Variants in PRG4 observed in about 807,000 individuals in gnomAD.
The protein encoded by PRG4 is proteoglycan 4, also known as articular superficial zone protein.
PRG4 carries 61 observed loss-of-function variants against 91.2 expected under a neutral mutation model. The observed-to-expected ratio is 0.67, with a 90% CI of 0.54 to 0.83. The LOEUF is 0.83. Ranked by LOEUF, PRG4 falls within the 40% of genes least tolerant of loss-of-function variation. The pLI, the probability that PRG4 is intolerant of heterozygous loss-of-function variation, is 0.00. For missense variants in PRG4, 1,564 were observed against 1,714.2 expected, an observed-to-expected ratio of 0.91 and a Z score of 1.55; for synonymous variants, 576 against 614.2, an observed-to-expected ratio of 0.94 and a Z score of 0.92.
Position 186,306,546 on chromosome 1 carries a change from T to C in PRG4, c.827T>C (p.Leu276Ser), listed in dbSNP as rs758406311. ...TCTGATACATCTAAAGAGACGTCTT[T>C]GACAGTGAATAAAGAGACAACAGTT... is the stretch of plus-strand genomic sequence containing the variant. ...PNSDTSKETSLTVNKETTVET... is the reference protein window; with the variant it reads ...PNSDTSKETSSTVNKETTVET... The change falls in exon 7 of 13, where the codon TTG becomes TCG. Residue 276 changes from leucine to serine, a missense_variant. Physicochemically the swap from Leu to Ser is moderately radical, Grantham distance 145. Transcript: ENST00000445192. The C allele has an allele frequency of 1.2e-6, 2 of 1,613,244 alleles. No homozygotes were observed. The highest frequency in any genetic ancestry group is 3.3e-5 in the Admixed American group (2 of 59,996).
chr1:186,310,667 G>A (rs61112901), intron 8 of PRG4, among the ~76,000 whole-genome samples: 1 of 140,844 alleles, frequency 7.1e-6, no homozygotes, highest in Non-Finnish European at 1.5e-5. Flanking sequence ...ATTTTTTTTT[G>A]TATTTTTTTT....
rs777133671 is a variant in PRG4, at chr1:186,311,124, C to A, written c.3590C>A (p.Thr1197Asn). 2.5e-6 allele frequency: 4 copies of A among 1,613,366 alleles called. No homozygotes were observed. Among genetic ancestry groups the A allele is most frequent in the Non-Finnish European group, 2.5e-6 (3 of 1,179,438 alleles). The change falls in exon 9 of 13, where the codon ACT (threonine) becomes AAT (asparagine). Residue 1197 changes from threonine (T) to asparagine (N), a missense_variant. Transcript: ENST00000445192. ...EVWGIPSPIDTVFTRCNCEGK... is the reference protein window; with the variant it reads ...EVWGIPSPIDNVFTRCNCEGK... ...TGGGGTATTCCTTCCCCCATTGATA[C>A]TGTTTTTACTAGGTGCAACTGTGAA...
intron 2 of PRG4, among the ~76,000 whole-genome samples, chr1:186,297,677 T>TTTTTC (rs943429310): frequency 4.6e-5 from 7 of 152,210 alleles, no homozygotes; most frequent in Non-Finnish European, 7.3e-5. Flanking sequence ...AAGCTTTGGA[T>TTTTTC]TTTTCTTTTC....
chr1:186,311,434 T>TATCAGG lies in PRG4; in HGVS notation c.3637-3_3639dup. 6.2e-7 allele frequency: 1 copy of TATCAGG among 1,612,154 alleles called. No homozygotes were observed. Among genetic ancestry groups the TATCAGG allele is most frequent in the African/African-American group, 1.3e-5 (1 of 74,984 alleles). On this transcript the variant is annotated splice_polypyrimidine_tract_variant and splice_region_variant and intron_variant, in intron 9 of 12. Coordinates refer to ENST00000445192, the MANE Select transcript of PRG4 (RefSeq NM_005807.6). ...GATAACATAATTTTCTCTTTTAAAT[T>TATCAGG]ATCAGGATTCTCAGTACTGGCGTTT... is the stretch of plus-strand genomic sequence containing the variant.
At position 186,308,932 on chromosome 1, in the gene PRG4, C is replaced by A. The variant is rs557707120; in HGVS notation, c.3213C>A (p.Ala1071=). 6.2e-7 allele frequency: 1 copy of A among 1,611,518 alleles called. No homozygotes were observed. The highest frequency in any genetic ancestry group is 1.1e-5 in the South Asian group (1 of 90,650). The change falls in exon 7 of 13, where the codon GCC becomes GCA. Residue 1071 remains alanine, a synonymous_variant. Coordinates refer to ENST00000445192, the MANE Select transcript of PRG4 (RefSeq NM_005807.6). ...ACCCTACCTCAAGAATAGCAGAAGC[C>A]ATGCTCCAAACCACCACCAGACCTA... ...ELNPTSRIAE[A]MLQTTTRPNQ...
At position 186,307,691 on chromosome 1, in the gene PRG4, C is replaced by A; in HGVS notation, c.1972C>A (p.Pro658Thr). ...LAPTTPEEPT[P>T]TTPEEPAPTT... ...ACCCACCACCCCTGAGGAGCCCACA[C>A]CCACCACCCCTGAGGAGCCTGCTCC... Residue 658 changes from proline (P) to threonine (T), a missense_variant, in exon 7 of 13, where the codon CCC becomes ACC. Physicochemically the swap from Pro to Thr is conservative, Grantham distance 38. Coordinates refer to ENST00000445192, the MANE Select transcript of PRG4 (RefSeq NM_005807.6). 1.2e-6 allele frequency: 2 copies of A among 1,607,946 alleles called. No individual in the cohort carries two copies. Among genetic ancestry groups the A allele is most frequent in the African/African-American group, 1.4e-5 (1 of 73,834 alleles).
At chr1:186,305,309 T>C (rs2102018149) in intron 6 of PRG4, among the ~76,000 whole-genome samples, 1 of 152,362 alleles carries the variant, frequency 6.6e-6, no homozygotes. Context: ...ACTATTGTTC[T>C]AAGTGTTTTA....
Position 186,307,972 on chromosome 1 carries a change from A to G in PRG4, c.2253A>G (p.Pro751=). 1 of 1,599,824 alleles carries G rather than the reference A, an allele frequency of 6.3e-7. No individual in the cohort carries two copies. The highest frequency in any genetic ancestry group is 1.4e-5 in the African/African-American group (1 of 69,784). ...PTSTTSDKPA[P]TTPKGTAPTT... ...CCACCACCTCTGACAAGCCCGCTCCAACTACCCCTAAGGGGACTGCTCCAA... is the reference window on the plus strand; with the variant it reads ...CCACCACCTCTGACAAGCCCGCTCCGACTACCCCTAAGGGGACTGCTCCAA... Residue 751 remains proline (P), a synonymous_variant, in exon 7 of 13, where the codon CCA becomes CCG. Coordinates refer to ENST00000445192, the MANE Select transcript of PRG4 (RefSeq NM_005807.6).
chr1:186,304,467 G>A (rs765174961), intron 5 of PRG4, among the ~76,000 whole-genome samples: 6 of 152,298 alleles, frequency 3.9e-5, no homozygotes, highest in African/African-American at 4.8e-5. Context: ...CCCAGCATGA[G>A]TCTGGGTTAA....
At chr1:186,306,266 A>T (rs542582245) in intron 6 of PRG4, 52 bp from the exon 7 acceptor site, 6 of 1,411,174 alleles carry the variant, frequency 4.3e-6, no homozygotes, top group South Asian at 1.3e-5. Flanking sequence ...TTATGTCACT[A>T]TTAAAGAAAA....
At chr1:186,300,723 A>T (rs1656158626) in intron 3 of PRG4, among the ~76,000 whole-genome samples, 1 of 152,240 alleles carries the variant, frequency 6.6e-6, no homozygotes, top group Admixed American at 6.5e-5. Flanking sequence ...ATAAAGTGCT[A>T]GTGTTTAATG....
At chr1:186,313,369 G>A in intron 12 of PRG4, 1 of 340,392 alleles carries the variant, frequency 2.9e-6, no homozygotes, top group Non-Finnish European at 5.4e-6. Flanking sequence ...ACATTGGCAT[G>A]TATTTTTTAA....
intron 3 of PRG4, 144 bp downstream of exon 3, chr1:186,300,357 T>C (rs1212189867): frequency 2.1e-5 from 23 of 1,103,326 alleles, no homozygotes; most frequent in Non-Finnish European, 3.1e-5. Flanking sequence ...TCACTTCCTT[T>C]GCTTAAGTGA....
At chr1:186,305,286 C>A (rs894300799) in intron 6 of PRG4, among the ~76,000 whole-genome samples, 1 of 152,186 alleles carries the variant, frequency 6.6e-6, no homozygotes, top group African/African-American at 2.4e-5. Context: ...TTTATTTTAA[C>A]AAACATTTAT....
intron 3 of PRG4, among the ~76,000 whole-genome samples, chr1:186,300,957 A>G (rs989813930): frequency 8.5e-5 from 13 of 152,208 alleles, no homozygotes; most frequent in African/African-American, 3.1e-4. Context: ...TATTTCAAAT[A>G]AGCCTTGGTA....
intron 3 of PRG4, among the ~76,000 whole-genome samples, 179 bp downstream of exon 3, chr1:186,300,392 G>A (rs1278620747): frequency 1.3e-5 from 2 of 152,186 alleles, no homozygotes; most frequent in Non-Finnish European, 2.9e-5. Flanking sequence ...CATAAATGTT[G>A]CAGCGCATTG....
At position 186,308,235 on chromosome 1, in the gene PRG4, C is replaced by G. The variant is rs146935964; in HGVS notation, c.2516C>G (p.Pro839Arg). The change falls in exon 7 of 13, where the codon CCC becomes CGC. Residue 839 changes from proline to arginine, a missense_variant. Pro to Arg is a moderately radical substitution (Grantham distance 103). Around this residue, in one of 3 missense-constraint regions of PRG4, gnomAD observed 1,079 missense variants for 1,162.2 expected, o/e 0.93. Coordinates refer to ENST00000445192, the MANE Select transcript of PRG4 (RefSeq NM_005807.6). ...TTPKEPAPTT[P>R]KKPAPTTPET... ...CCCAAGGAGCCTGCACCCACTACCC[C>G]CAAGAAGCCTGCTCCAACTACTCCT... The G allele has an allele frequency of 5.0e-6, 8 of 1,613,916 alleles. No homozygotes were observed. Among genetic ancestry groups the G allele is most frequent in the East Asian group, 4.5e-5 (2 of 44,896 alleles).
Position 186,304,686 on chromosome 1 carries a change from C to T in PRG4, c.470-108C>T. 3 of 1,396,766 alleles carry T rather than the reference C, an allele frequency of 2.1e-6. 1 individual carries two copies. The South Asian group carries it at 3.8e-5, about 18-fold the overall frequency. The allele number at this position is 1,396,766 out of a possible 1,614,324, so 86.5% of individuals were successfully genotyped here. A position where few individuals can be genotyped will look rare whatever the true frequency, so the allele number is the denominator to read the frequency against. The stretch of plus-strand genomic sequence containing the variant: ...TCATATTACTAATAAAAGCAAAATC[C>T]AGATACTTGTAGACTAGTAAATAGC... On this transcript the variant is annotated intron_variant, in intron 5 of 12. Transcript: ENST00000445192.
At position 186,300,094 on chromosome 1, in the gene PRG4, T is replaced by C. The variant is rs1162801181; in HGVS notation, c.80T>C (p.Leu27Ser). 2.5e-6 allele frequency: 4 copies of C among 1,613,962 alleles called. No individual in the cohort carries two copies. Among genetic ancestry groups the C allele is most frequent in the Non-Finnish European group, 3.4e-6 (4 of 1,179,896 alleles). ...CGCCAGTATTGTATAATTTTAGATT[T>C]ATCAAGCTGTGCAGGGAGATGTGGG... ...FVIQQVSSQD[L>S]SSCAGRCGEG... Residue 27 changes from leucine to serine, a missense_variant, in exon 3 of 13, where the codon TTA (leucine) becomes TCA (serine). This residue lies in a region of PRG4 where 437 missense variants were observed against 459.0 expected (regional missense o/e 0.95). Transcript: ENST00000445192.
Sources: allele counts gnomAD v4.1 joint callset (sites outside exome capture counted in the v4.1 genomes callset), GRCh38; gene constraint gnomAD v4.1.1; regional missense constraint gnomAD v4.1.1; transcripts MANE v1.5; gene names NCBI Gene and HGNC (gene_info 2026-07-23, HGNC 2026-07-21).